KIAA1143: variants seen among roughly 807,000 people sequenced by gnomAD.
KIAA1143 encodes the protein KIAA1143, also known as uncharacterized protein KIAA1143.
A neutral mutation model predicts 17.0 loss-of-function variants in KIAA1143; 8 were observed. That is an observed-to-expected ratio of 0.47 (90% CI 0.28 to 0.85). KIAA1143 has a LOEUF of 0.85. Ranked by LOEUF, KIAA1143 falls within the 40% of genes least tolerant of loss-of-function variation. The probability of loss-of-function intolerance (pLI) is 0.12; values close to 1 mark genes in which losing one functional copy is unlikely to be tolerated. For missense variants in KIAA1143, 162 were observed against 183.3 expected (o/e 0.88, Z 0.67); for synonymous variants, 64 against 67.8 (o/e 0.94, Z 0.27).
Position 44,750,266 on chromosome 3 carries a change from G to C in KIAA1143, c.*3075C>G, listed in dbSNP as rs1704877479. On this transcript the variant is annotated 3_prime_UTR_variant, in exon 3 of 3. Transcript: ENST00000296121. ...ATATTAGGCTTCCTGAAGTTCAAGA[G>C]TGACATATTAGGCTTATATTAGGCT... The C allele has an allele frequency of 6.6e-6, 1 of 152,192 alleles. No individual in the cohort carries two copies. The highest frequency in any genetic ancestry group is 6.5e-5 in the Admixed American group (1 of 15,278). 9.4% of individuals were successfully genotyped at this position (152,192 alleles called of 1,614,324 possible).
intron 1 of KIAA1143, among the ~76,000 whole-genome samples, chr3:44,759,337 TC>T (rs1705023215): frequency 6.6e-6 from 1 of 152,072 alleles, no homozygotes; most frequent in Admixed American, 6.6e-5. Flanking sequence ...ATTGAAAGAA[TC>T]TTTTTTTTTC....
Position 44,753,467 on chromosome 3 carries a change from T to C in KIAA1143, c.339A>G (p.Thr113=), listed in dbSNP as rs765432424. Residue 113 remains threonine, a synonymous_variant, in exon 3 of 3, where the codon ACA becomes ACG. Transcript: ENST00000296121. ...TTGGCTTCTTCTTTTTTGAGCTTGCTGTTAAACCTGAATATTTTTCATCTG... is the reference window on the plus strand; with the variant it reads ...TTGGCTTCTTCTTTTTTGAGCTTGCCGTTAAACCTGAATATTTTTCATCTG... ...HPSDEKYSGL[T]ASSKKKKPNE... is the part of the protein sequence containing the mutation. 1.1e-5 allele frequency: 17 copies of C among 1,611,204 alleles called. No individual in the cohort carries two copies. The highest frequency in any genetic ancestry group is 1.4e-5 in the Non-Finnish European group (17 of 1,177,508).
chr3:44,758,376 C>A (rs902048073), intron 1 of KIAA1143, among the ~76,000 whole-genome samples: 4 of 152,298 alleles, frequency 2.6e-5, no homozygotes, highest in South Asian at 4.1e-4. Flanking sequence ...CAGCTGAACT[C>A]CTTTCAAAAT....
intron 1 of KIAA1143, among the ~76,000 whole-genome samples, chr3:44,760,128 C>T (rs773612802): frequency 2.6e-5 from 4 of 152,170 alleles, no homozygotes; most frequent in Non-Finnish European, 5.9e-5. Context: ...TCTCACATGT[C>T]TCAGACTTCA....
intron 1 of KIAA1143, 74 bp from the exon 2 acceptor site, chr3:44,754,442 CTG>C (rs1202354419): frequency 2.2e-6 from 3 of 1,355,320 alleles, no homozygotes; most frequent in Non-Finnish European, 2.1e-6. Flanking sequence ...CTAAGAGAAA[CTG>C]TAATTATTTA....
intron 1 of KIAA1143, among the ~76,000 whole-genome samples, chr3:44,760,134 C>T (rs1349319706): frequency 6.6e-6 from 1 of 152,198 alleles, no homozygotes; most frequent in Non-Finnish European, 1.5e-5. Flanking sequence ...ATGTCTCAGA[C>T]TTCACAGGAT....
chr3:44,753,007 G>A lies in KIAA1143; in HGVS notation c.*334C>T, dbSNP rs1414034436. ...CCTGGAAGAATACTCGTAATGCAAT[G>A]TCAAGTGAGAAGCAGGACAAAGAAC... On this transcript the variant is annotated 3_prime_UTR_variant, in exon 3 of 3. Coordinates refer to ENST00000296121, the MANE Select transcript of KIAA1143 (RefSeq NM_020696.4). 1 of 168,180 alleles carries A rather than the reference G, an allele frequency of 5.9e-6. No homozygotes were observed. Among genetic ancestry groups the A allele is most frequent in the Non-Finnish European group, 1.3e-5 (1 of 78,654 alleles). 10.4% of individuals were successfully genotyped at this position (168,180 alleles called of 1,614,324 possible).
chr3:44,759,894 C>CAAAAAAAAAAAAAAA (rs527806223), intron 1 of KIAA1143, among the ~76,000 whole-genome samples: 1,086 of 50,952 alleles, frequency 0.021, 189 homozygotes, highest in Non-Finnish European at 0.027. Flanking sequence ...GACCCTATCT[C>CAAAAAAAAAAAAAAA]AAAAAAAAAA....
At chr3:44,755,072 G>A (rs369307120) in intron 1 of KIAA1143, among the ~76,000 whole-genome samples, 8 of 152,214 alleles carry the variant, frequency 5.3e-5, no homozygotes, top group African/African-American at 7.2e-5. Context: ...GTGAGACACC[G>A]TAAGAGCCCC....
Position 44,753,772 on chromosome 3 carries a change from A to G in KIAA1143, c.254-220T>C, listed in dbSNP as rs566884054. Among the ~76,000 whole-genome samples the G allele has an allele frequency of 2.6e-5, 4 of 152,332 alleles. No homozygotes were observed. In the East Asian group the frequency reaches 5.8e-4, roughly 22 times the overall value. Reference sequence around the variant, plus strand: ...TATTCTATAATATTGTCAGTTCCCAATTACAATCAGGTTGTATTTTTAAGT... The same window carrying G: ...TATTCTATAATATTGTCAGTTCCCAGTTACAATCAGGTTGTATTTTTAAGT... On this transcript the variant is annotated intron_variant, in intron 2 of 2. Transcript: ENST00000296121.
At chr3:44,754,905 AC>A (rs1248414350) in intron 1 of KIAA1143, among the ~76,000 whole-genome samples, 1 of 152,210 alleles carries the variant, frequency 6.6e-6, no homozygotes, top group African/African-American at 2.4e-5. Context: ...CTTTTTGTAT[AC>A]CAACAACACT....
chr3:44,758,150 C>A (rs1230638501), intron 1 of KIAA1143, among the ~76,000 whole-genome samples: 2 of 152,320 alleles, frequency 1.3e-5, no homozygotes, highest in South Asian at 4.1e-4. Flanking sequence ...CATTAAAAAT[C>A]ATCTGAGCCT....
At chr3:44,756,095 A>G (rs1559511086) in intron 1 of KIAA1143, among the ~76,000 whole-genome samples, 1 of 152,254 alleles carries the variant, frequency 6.6e-6, no homozygotes, top group South Asian at 2.1e-4. Flanking sequence ...AAAATATGGG[A>G]AAGTGAAATA....
chr3:44,760,464 A>C (rs1003294850), intron 1 of KIAA1143, among the ~76,000 whole-genome samples: 1 of 151,470 alleles, frequency 6.6e-6, no homozygotes, highest in Non-Finnish European at 1.5e-5. Context: ...ATCTCGGCTC[A>C]CTGCAAGCTC....
At chr3:44,760,760 A>G (rs1705087672) in intron 1 of KIAA1143, among the ~76,000 whole-genome samples, 1 of 139,534 alleles carries the variant, frequency 7.2e-6, no homozygotes, top group Admixed American at 7.5e-5. Context: ...ATCTCAACTC[A>G]CTGCAACGTC....
rs1430515370 is a variant in KIAA1143 at position 44,751,958 on chromosome 3, A to G, written c.*1383T>C. 2 of 152,184 alleles carry G rather than the reference A, an allele frequency of 1.3e-5. No homozygotes were observed. 9.4% of individuals were successfully genotyped at this position (152,184 alleles called of 1,614,324 possible). The stretch of plus-strand genomic sequence containing the variant: ...CCCTCAGTCTCTCAGCCTCCCATAA[A>G]GATTTACGAGGATCACGTCTCTCAG... On this transcript the variant is annotated 3_prime_UTR_variant, in exon 3 of 3. Transcript: ENST00000296121.
intron 1 of KIAA1143, among the ~76,000 whole-genome samples, chr3:44,756,466 G>C (rs374727450): frequency 4.3e-4 from 65 of 152,282 alleles, no homozygotes; most frequent in African/African-American, 1.5e-3. Flanking sequence ...GGGTGGCTGA[G>C]GCAGGAGAAT....
At position 44,753,435 on chromosome 3, in the gene KIAA1143, T is replaced by C. The variant is rs770890912; in HGVS notation, c.371A>G (p.Asp124Gly). ...TTTGACCGAGTCCTGATTTACTTCA[T>C]CTTCATTTGGCTTCTTCTTTTTTGA... is the stretch of plus-strand genomic sequence containing the variant. ...ASSKKKKPNEDEVNQDSVKKN... is the reference protein window; with the variant it reads ...ASSKKKKPNEGEVNQDSVKKN... Residue 124 changes from aspartate to glycine, a missense_variant, in exon 3 of 3, where the codon GAT (aspartate) becomes GGT (glycine). Coordinates refer to ENST00000296121, the MANE Select transcript of KIAA1143 (RefSeq NM_020696.4). The C allele has an allele frequency of 1.2e-5, 19 of 1,599,658 alleles. No homozygotes were observed. In the South Asian group the frequency reaches 2.0e-4, roughly 17 times the overall value.
intron 1 of KIAA1143, 89 bp downstream of exon 1, chr3:44,761,406 C>T (rs1160981011): frequency 3.0e-6 from 3 of 988,970 alleles, no homozygotes; most frequent in Non-Finnish European, 4.6e-6. Context: ...AAAGAGGGAC[C>T]CGACAGCACC....
Sources: gnomAD v4.1 joint callset for allele counts (sites outside exome capture counted in the v4.1 genomes callset) on GRCh38, gnomAD v4.1.1 for gene constraint, MANE v1.5 for transcripts, NCBI Gene and HGNC (gene_info 2026-07-23, HGNC 2026-07-21) for gene names.